Variants in PCDHGA3 observed in about 807,000 individuals in gnomAD.
PCDHGA3 encodes protocadherin gamma-A3.
PCDHGA3 carries 40 observed loss-of-function variants against 58.5 expected under a neutral mutation model. The ratio of observed to expected loss-of-function variants is 0.68; its 90% CI spans 0.53 to 0.89. The LOEUF (loss-of-function observed/expected upper bound fraction) is 0.89. Ranked by LOEUF, PCDHGA3 falls within the 40% of genes least tolerant of loss-of-function variation. The probability of loss-of-function intolerance (pLI) is 0.00; values close to 1 mark genes in which losing one functional copy is unlikely to be tolerated. For synonymous variants in PCDHGA3, 530 were observed against 525.7 expected (o/e 1.01, Z -0.11); for missense variants, 1,223 against 1,195.9 (o/e 1.02, Z -0.33).
At chr5:141,354,824 G>A (rs923189281) in intron 1 of PCDHGA3, among the ~76,000 whole-genome samples, 1 of 152,154 alleles carries the variant, frequency 6.6e-6, no homozygotes, top group Non-Finnish European at 1.5e-5. Context: ...TATTGTACAG[G>A]AAGACTTGGA....
chr5:141,445,708 G>A (rs2098475030), intron 1 of PCDHGA3, among the ~76,000 whole-genome samples: 1 of 152,168 alleles, frequency 6.6e-6, no homozygotes, highest in African/African-American at 2.4e-5. Flanking sequence ...AAATTGTCAG[G>A]CAGAGGAAAT....
rs915257485 is a variant in PCDHGA3, at chr5:141,476,018, A to T, written c.2425-18789A>T. ...AACGGCATCCAGAAAGCCATGTCGG[A>T]CTCGGCGCCCAGCGCCCAAGCGCTA... On this transcript the variant is annotated intron_variant, in intron 1 of 3. Transcript: ENST00000253812. This position sits in a 1 kb window ranked among gnomAD's most constrained non-coding sequence, Gnocchi z 7.6. The T allele has an allele frequency of 5.8e-6, 8 of 1,371,412 alleles. No homozygotes were observed. Among genetic ancestry groups the T allele is most frequent in the Non-Finnish European group, 7.9e-6 (8 of 1,016,908 alleles). The allele number at this position is 1,371,412 out of a possible 1,614,324, so 85.0% of individuals were successfully genotyped here.
At chr5:141,460,842 C>T (rs1339558359) in intron 1 of PCDHGA3, among the ~76,000 whole-genome samples, 2 of 150,412 alleles carry the variant, frequency 1.3e-5, no homozygotes, top group African/African-American at 2.4e-5. Flanking sequence ...GTAATGGCCT[C>T]CAGTTCGATC....
In PCDHGA3 at chr5:141,487,268, G is replaced by A; in HGVS notation, c.2425-7539G>A. ...CCTCTACTTGGCTGTGTCCCTAGTG[G>A]CAATTTGCTTTGTCTCCTTTGGCTC... On this transcript the variant is annotated intron_variant, in intron 1 of 3. Transcript: ENST00000253812. This position sits in a 1 kb window ranked among gnomAD's most constrained non-coding sequence, Gnocchi z 5.0. 4 of 1,614,100 alleles carry A rather than the reference G, an allele frequency of 2.5e-6. No homozygotes were observed. The South Asian group carries it at 4.4e-5, about 18-fold the overall frequency.
chr5:141,475,938 G>T (rs756781296), intron 1 of PCDHGA3: 22 of 682,776 alleles, frequency 3.2e-5, no homozygotes, highest in African/African-American at 7.2e-5. Flanking sequence ...GCCCCTGCCC[G>T]TCCCCTTTCT....
intron 1 of PCDHGA3, chr5:141,413,356 C>T: frequency 6.2e-7 from 1 of 1,613,962 alleles, no homozygotes; most frequent in South Asian, 1.1e-5. Context: ...TCTGGCGCCC[C>T]GGGAGCTGGC....
At chr5:141,440,165 A>G (rs935524872) in intron 1 of PCDHGA3, 2 of 152,300 alleles carry the variant, frequency 1.3e-5, no homozygotes, top group African/African-American at 4.8e-5. Flanking sequence ...AGCTTGGGCC[A>G]TAACGCTTTG....
chr5:141,481,913 CAAAAAA>C (rs34114744), intron 1 of PCDHGA3, among the ~76,000 whole-genome samples: 1 of 90,850 alleles, frequency 1.1e-5, no homozygotes. Flanking sequence ...AACTCCATCT[CAAAAAA>C]AAAAAAAAAA....
intron 1 of PCDHGA3, chr5:141,393,074 G>C (rs775449711): frequency 7.4e-6 from 12 of 1,613,592 alleles, no homozygotes; most frequent in African/African-American, 2.7e-5. Flanking sequence ...TGATCACCGC[G>C]GGCAGGATAG....
chr5:141,354,771 A>G (rs771392037), intron 1 of PCDHGA3, among the ~76,000 whole-genome samples: 7 of 152,246 alleles, frequency 4.6e-5, no homozygotes, highest in Non-Finnish European at 8.8e-5. Flanking sequence ...TAGGAAAAAA[A>G]TCGTCATATT....
Position 141,366,194 on chromosome 5 carries a change from C to T in PCDHGA3, c.2424+19737C>T, listed in dbSNP as rs559944832. 5.0e-6 allele frequency: 8 copies of T among 1,613,936 alleles called. No homozygotes were observed. In the African/African-American group the frequency reaches 6.7e-5, roughly 13 times the overall value. On this transcript the variant is annotated intron_variant, in intron 1 of 3. Transcript: ENST00000253812. ...GCCAGGACTCTTTGCGGTTGGGCTG[C>T]ACACGGGCGAGGTGCGCACAGCGCG...
Position 141,346,238 on chromosome 5 carries a change from G to A in PCDHGA3, c.2205G>A (p.Thr735=). Residue 735 remains threonine, a synonymous_variant, in exon 1 of 4, where the codon ACG becomes ACA. Coordinates refer to ENST00000253812, the MANE Select transcript of PCDHGA3 (RefSeq NM_018916.4). ...LQASGGGLAS[T]PGSHFVGADG... ...CTTCGGGAGGCGGCTTGGCGAGTAC[G>A]CCCGGCTCGCACTTTGTGGGCGCGG... The A allele has an allele frequency of 2.5e-6, 4 of 1,614,204 alleles. No homozygotes were observed. The highest frequency in any genetic ancestry group is 3.4e-6 in the Non-Finnish European group (4 of 1,180,036).
rs191642740 is a variant in PCDHGA3 at position 141,509,833 on chromosome 5, C to T, written c.2573-1114C>T. On this transcript the variant is annotated intron_variant, in intron 3 of 3. Coordinates refer to ENST00000253812, the MANE Select transcript of PCDHGA3 (RefSeq NM_018916.4). ...GAGCTCTTCTCCATCTTCTCTCTAC[C>T]TCCCATTCACTCAGAACAGGGATAA... 2.6e-5 allele frequency among the ~76,000 whole-genome samples: 4 copies of T among 152,300 alleles called. No individual in the cohort carries two copies. The East Asian group carries it at 7.7e-4, about 29-fold the overall frequency.
In PCDHGA3 at chr5:141,431,766, C is replaced by T. The variant is rs1474420822; in HGVS notation, c.2425-63041C>T. Reference sequence around the variant, plus strand: ...TCTGCGCGAGCCAAAGTCCTGATCACTGTTCTGGACGTGAACGACAATGCC... The same window carrying T: ...TCTGCGCGAGCCAAAGTCCTGATCATTGTTCTGGACGTGAACGACAATGCC... On this transcript the variant is annotated intron_variant, in intron 1 of 3. Transcript: ENST00000253812. The surrounding 1 kb of genome is among the most constrained non-coding windows in gnomAD (Gnocchi z 4.8). 2.5e-6 allele frequency: 4 copies of T among 1,614,196 alleles called. No individual in the cohort carries two copies. Among genetic ancestry groups the T allele is most frequent in the Non-Finnish European group, 3.4e-6 (4 of 1,180,010 alleles).
At chr5:141,365,648 T>C in intron 1 of PCDHGA3, 1 of 1,613,486 alleles carries the variant, frequency 6.2e-7, no homozygotes, top group East Asian at 2.2e-5. Context: ...CCACATCCCC[T>C]TGAAAGTAGC....
chr5:141,399,320 A>G, intron 1 of PCDHGA3: 3 of 1,614,010 alleles, frequency 1.9e-6, no homozygotes, highest in Non-Finnish European at 2.5e-6. Context: ...AAAAATTCGT[A>G]TAAGTTGGTA....
Position 141,489,999 on chromosome 5 carries a change from GA to G in PCDHGA3, c.2425-4806del. On this transcript the variant is annotated intron_variant, in intron 1 of 3. Transcript: ENST00000253812. The surrounding 1 kb of genome is among the most constrained non-coding windows in gnomAD (Gnocchi z 4.5). ...CAGTTCTACGTGTGGGAATCCCAGA[GA>G]ATGCACCCATTGGTACTCTGCTGCT... 1 of 1,614,242 alleles carries G rather than the reference GA, an allele frequency of 6.2e-7. No individual in the cohort carries two copies. Among genetic ancestry groups the G allele is most frequent in the Non-Finnish European group, 8.5e-7 (1 of 1,180,032 alleles).
intron 1 of PCDHGA3, chr5:141,394,043 G>C (rs1431547996): frequency 6.2e-7 from 1 of 1,613,576 alleles, no homozygotes; most frequent in South Asian, 1.1e-5. Context: ...GGAAATATTT[G>C]GACCGAGAAA....
At chr5:141,510,272 T>TAAAA (rs546154379) in intron 3 of PCDHGA3, among the ~76,000 whole-genome samples, 4 of 130,388 alleles carry the variant, frequency 3.1e-5, no homozygotes, top group Non-Finnish European at 4.9e-5. Context: ...GACTCCATCT[T>TAAAA]AAAAAAAAAA....
Sources: allele counts gnomAD v4.1 joint callset (sites outside exome capture counted in the v4.1 genomes callset), GRCh38; gene constraint gnomAD v4.1.1; non-coding constraint Gnocchi (gnomAD v3.1); transcripts MANE v1.5; gene names NCBI Gene and HGNC (gene_info 2026-07-23, HGNC 2026-07-21).